Variants in KCNN2 observed in about 807,000 individuals in gnomAD.
The protein encoded by KCNN2 is small conductance calcium-activated potassium channel protein 2.
In KCNN2, 24 loss-of-function variants were observed where a neutral mutation model predicts 55.5. That is an observed-to-expected ratio of 0.43 (90% CI 0.31 to 0.61). KCNN2 has a LOEUF of 0.61. Among genes scored for constraint, KCNN2 ranks in the 20% least tolerant of loss-of-function variants. The pLI is 0.08. For missense variants in KCNN2, 754 were observed against 853.6 expected, an observed-to-expected ratio of 0.88 and a Z score of 1.45; for synonymous variants, 431 against 336.1, an observed-to-expected ratio of 1.28 and a Z score of -3.09.
chr5:114,153,612 C>T (rs1752570524), intron 1 of KCNN2, among the ~76,000 whole-genome samples: 1 of 152,204 alleles, frequency 6.6e-6, no homozygotes, highest in South Asian at 2.1e-4. Context: ...ACACCTGGTG[C>T]AGACAGGAGA....
intron 2 of KCNN2, among the ~76,000 whole-genome samples, chr5:114,241,047 A>G (rs1754608054): frequency 6.6e-6 from 1 of 152,062 alleles, no homozygotes. Flanking sequence ...AGTAAAAAAC[A>G]TTTGTATATG....
chr5:114,139,508 A>G (rs1286111601), intron 1 of KCNN2, among the ~76,000 whole-genome samples: 2 of 148,658 alleles, frequency 1.3e-5, no homozygotes, highest in Non-Finnish European at 3.0e-5. Flanking sequence ...CATAATTCAC[A>G]TATCATTTCT....
At chr5:114,436,235 C>T (rs941293360) in intron 3 of KCNN2, among the ~76,000 whole-genome samples, 43 of 152,152 alleles carry the variant, frequency 2.8e-4, no homozygotes, top group Admixed American at 1.0e-3. Flanking sequence ...AAAGTGGTTA[C>T]AGTATTTTAC....
At chr5:114,149,048 C>G (rs947136015) in intron 1 of KCNN2, among the ~76,000 whole-genome samples, 3 of 152,088 alleles carry the variant, frequency 2.0e-5, no homozygotes, top group African/African-American at 7.2e-5. Context: ...TCCATAGAAC[C>G]TTTGTCAGGG....
At chr5:114,317,846 T>C (rs1756529295) in intron 2 of KCNN2, among the ~76,000 whole-genome samples, 3 of 152,248 alleles carry the variant, frequency 2.0e-5, no homozygotes, top group Admixed American at 2.0e-4. Context: ...GCATGTTTCT[T>C]AGCGACTGCC....
At position 114,493,481 on chromosome 5, in the gene KCNN2, G is replaced by C; in HGVS notation, c.2088+9G>C. The C allele has an allele frequency of 6.3e-7, 1 of 1,597,742 alleles. No homozygotes were observed. Among genetic ancestry groups the C allele is most frequent in the Non-Finnish European group, 8.6e-7 (1 of 1,165,300 alleles). On this transcript the variant is annotated intron_variant, in intron 7 of 7. Coordinates refer to ENST00000673685, the MANE Select transcript of KCNN2 (RefSeq NM_021614.4). ...TGGTGGACTTGGCAAAGGTAAGCCT[G>C]AGGTGCTTAGCCCTCCTAGTTGCAT...
chr5:114,284,018 G>T (rs1338408996), intron 2 of KCNN2, among the ~76,000 whole-genome samples: 2 of 152,186 alleles, frequency 1.3e-5, no homozygotes, highest in Non-Finnish European at 2.9e-5. Flanking sequence ...TCCAGGAAGA[G>T]GGGATATTCT....
chr5:114,237,411 G>C (rs903101422), intron 2 of KCNN2, among the ~76,000 whole-genome samples: 2 of 152,000 alleles, frequency 1.3e-5, no homozygotes, highest in Non-Finnish European at 2.9e-5. Flanking sequence ...GAAATTGAGG[G>C]AGCTGACCTA....
At chr5:114,261,678 A>C (rs1422944810) in intron 2 of KCNN2, among the ~76,000 whole-genome samples, 5 of 152,220 alleles carry the variant, frequency 3.3e-5, no homozygotes, top group Admixed American at 3.3e-4. Context: ...GTGAGCAGGC[A>C]GATAACTCCA....
At chr5:114,161,452 A>T (rs1752779855) in intron 1 of KCNN2, among the ~76,000 whole-genome samples, 1 of 148,504 alleles carries the variant, frequency 6.7e-6, no homozygotes, top group Admixed American at 6.8e-5. Context: ...CTTCATTTCA[A>T]CTTTGGTGAA....
At chr5:114,169,088 G>C (rs1752977718) in intron 1 of KCNN2, among the ~76,000 whole-genome samples, 1 of 152,074 alleles carries the variant, frequency 6.6e-6, no homozygotes, top group Non-Finnish European at 1.5e-5. Flanking sequence ...AGATATGCTT[G>C]CTTCTCCTTC....
At chr5:114,064,075 A>G (rs1327543348) in intron 1 of KCNN2, among the ~76,000 whole-genome samples, 1 of 152,114 alleles carries the variant, frequency 6.6e-6, no homozygotes, top group Non-Finnish European at 1.5e-5. Context: ...CTTGTGTTCT[A>G]CTCCCAGAGA....
rs538670099 is a variant in KCNN2 at position 114,287,510 on chromosome 5, A to G, written c.-185+65945A>G. Among the ~76,000 whole-genome samples the G allele has an allele frequency of 4.6e-5, 7 of 151,854 alleles. No individual in the cohort carries two copies. The East Asian group carries it at 1.4e-3, about 30-fold the overall frequency. On this transcript the variant is annotated intron_variant, in intron 2 of 10. Transcript: ENST00000512097. The stretch of plus-strand genomic sequence containing the variant: ...AACTAACACAGGAACAGAAAACCAA[A>G]CATCACATGTTCTCACTGGTAAGTG...
chr5:114,072,452 G>A (rs1286266285), intron 1 of KCNN2, among the ~76,000 whole-genome samples: 8 of 152,022 alleles, frequency 5.3e-5, no homozygotes, highest in Admixed American at 5.2e-4. Flanking sequence ...GCATAAAATG[G>A]CAGGTAAGAG....
At chr5:114,299,556 G>A (rs1756108368) in intron 2 of KCNN2, among the ~76,000 whole-genome samples, 2 of 152,180 alleles carry the variant, frequency 1.3e-5, no homozygotes, top group Non-Finnish European at 2.9e-5. Flanking sequence ...TGGGGGGATA[G>A]GTACTAATGT....
intron 2 of KCNN2, among the ~76,000 whole-genome samples, chr5:114,264,150 C>T (rs1181779505): frequency 6.6e-6 from 1 of 152,156 alleles, no homozygotes; most frequent in Non-Finnish European, 1.5e-5. Context: ...GAAACATGAA[C>T]TGTTTCCAAC....
At chr5:114,248,731 A>G (rs1754798841) in intron 2 of KCNN2, among the ~76,000 whole-genome samples, 1 of 152,222 alleles carries the variant, frequency 6.6e-6, no homozygotes, top group South Asian at 2.1e-4. Context: ...GAGAGACACA[A>G]TGTACATTAT....
intron 1 of KCNN2, among the ~76,000 whole-genome samples, chr5:114,130,669 G>T (rs1194147914): frequency 6.6e-6 from 1 of 152,038 alleles, no homozygotes; most frequent in East Asian, 1.9e-4. Flanking sequence ...ATCTAGCTCT[G>T]TCTCTTCATC....
intron 1 of KCNN2, among the ~76,000 whole-genome samples, chr5:114,136,316 G>A (rs1752173098): frequency 6.6e-6 from 1 of 152,158 alleles, no homozygotes. Context: ...GTGCTCACTT[G>A]CTCTTGTCCT....
Sources: gnomAD v4.1 joint callset for allele counts (sites outside exome capture counted in the v4.1 genomes callset) on GRCh38, gnomAD v4.1.1 for gene constraint, MANE v1.5 for transcripts, NCBI Gene and HGNC (gene_info 2026-07-23, HGNC 2026-07-21) for gene names.